Variants in STXBP6 observed in about 807,000 individuals in gnomAD.
STXBP6 encodes the protein syntaxin binding protein 6.
Under a neutral mutation model 26.9 loss-of-function variants are expected in STXBP6, and 21 were observed. That is an observed-to-expected ratio of 0.78 (90% CI 0.55 to 1.12). STXBP6 has a LOEUF of 1.12. Ranked by LOEUF, STXBP6 falls within the 50% of genes most tolerant of loss-of-function variation. The pLI is 0.00. For missense variants in STXBP6, 232 were observed against 257.9 expected, an observed-to-expected ratio of 0.90 and a Z score of 0.69; for synonymous variants, 97 against 92.6, an observed-to-expected ratio of 1.05 and a Z score of -0.27.
At chr14:24,828,180 A>G (rs2138867961) in intron 4 of STXBP6, among the ~76,000 whole-genome samples, 1 of 152,314 alleles carries the variant, frequency 6.6e-6, no homozygotes, top group South Asian at 2.1e-4. Flanking sequence ...AAATAGGCCT[A>G]AAATACCTTA....
At chr14:24,996,701 T>C (rs960680234) in intron 1 of STXBP6, among the ~76,000 whole-genome samples, 9 of 151,012 alleles carry the variant, frequency 6.0e-5, no homozygotes, top group Middle Eastern at 6.9e-3. Context: ...AAAAAAATTA[T>C]AAAATTAGCC....
chr14:24,910,944 T>C (rs1174502381), intron 2 of STXBP6, among the ~76,000 whole-genome samples: 1 of 152,162 alleles, frequency 6.6e-6, no homozygotes, highest in Non-Finnish European at 1.5e-5. Context: ...TTAGCTGTTA[T>C]CTGTAACATT....
intron 2 of STXBP6, among the ~76,000 whole-genome samples, chr14:24,916,336 C>T (rs569533090): frequency 6.6e-6 from 1 of 152,174 alleles, no homozygotes; most frequent in South Asian, 2.1e-4. Context: ...GGACGCTGTG[C>T]TCATCAAAGC....
At chr14:24,987,764 C>T in intron 1 of STXBP6, 1 of 873,804 alleles carries the variant, frequency 1.1e-6, no homozygotes, top group South Asian at 5.3e-5. Context: ...AAGTCTTTCC[C>T]ACTGTGAGGT....
At chr14:24,918,726 T>A (rs975250655) in intron 2 of STXBP6, among the ~76,000 whole-genome samples, 10 of 152,016 alleles carry the variant, frequency 6.6e-5, no homozygotes, top group Non-Finnish European at 1.2e-4. Context: ...CAGTGGCTGG[T>A]ACATTCTCAC....
At chr14:24,828,939 C>T (rs899402838) in intron 4 of STXBP6, among the ~76,000 whole-genome samples, 1 of 152,040 alleles carries the variant, frequency 6.6e-6, no homozygotes, top group Non-Finnish European at 1.5e-5. Context: ...AATCACTGGG[C>T]GTATGTGAAG....
At chr14:24,874,362 C>T (rs1406036857) in intron 2 of STXBP6, among the ~76,000 whole-genome samples, 1 of 152,112 alleles carries the variant, frequency 6.6e-6, no homozygotes, top group East Asian at 1.9e-4. Context: ...TACTAGCCTC[C>T]ATTTCTAGCC....
At chr14:24,829,224 G>T (rs2068381073) in intron 4 of STXBP6, among the ~76,000 whole-genome samples, 1 of 152,050 alleles carries the variant, frequency 6.6e-6, no homozygotes, top group Non-Finnish European at 1.5e-5. Context: ...TTCATTACAG[G>T]TTTAAATATA....
chr14:24,836,448 A>T lies in STXBP6; in HGVS notation c.452-17254T>A, dbSNP rs531522468. Among the ~76,000 whole-genome samples, 11 of 152,016 alleles carry T rather than the reference A, an allele frequency of 7.2e-5. No homozygotes were observed. In the South Asian group the frequency reaches 2.3e-3, roughly 32 times the overall value. On this transcript the variant is annotated intron_variant, in intron 4 of 5. Transcript: ENST00000323944. ...CCCCATCTCTACTAAATATACAAAA[A>T]TTAGCCGGGTGTGGTGGCGGGTGCC...
At chr14:25,039,604 C>T (rs1332988652) in intron 1 of STXBP6, among the ~76,000 whole-genome samples, 1 of 152,192 alleles carries the variant, frequency 6.6e-6, no homozygotes, top group Non-Finnish European at 1.5e-5. Context: ...CTTGGCTCCT[C>T]TACAGCATTG....
chr14:25,039,783 T>C (rs2140500185), intron 1 of STXBP6, among the ~76,000 whole-genome samples: 1 of 151,950 alleles, frequency 6.6e-6, no homozygotes, highest in East Asian at 1.9e-4. Flanking sequence ...GTCAGTTCAC[T>C]GCAACCTCTG....
chr14:24,857,114 T>C lies in STXBP6; in HGVS notation c.198A>G (p.Lys66=). 1 of 1,613,010 alleles carries C rather than the reference T, an allele frequency of 6.2e-7. No homozygotes were observed. The part of the protein sequence containing the change: ...KPTQASITKV[K]QFEGSTSFVR... ...CAAATGATGTGGAGCCTTCAAACTG[T>C]TTGACCTTTGTGATGGACGCCTGTG... The change falls in exon 3 of 6, where the codon AAA becomes AAG. Residue 66 remains lysine (K), a synonymous_variant. Coordinates refer to ENST00000323944, the MANE Select transcript of STXBP6 (RefSeq NM_001394410.1).
chr14:24,837,075 A>C (rs1401235380), intron 4 of STXBP6, among the ~76,000 whole-genome samples: 1 of 152,212 alleles, frequency 6.6e-6, no homozygotes, highest in African/African-American at 2.4e-5. Flanking sequence ...ATGGCATTGC[A>C]ATTTTTTCTA....
chr14:24,882,302 C>T (rs1279252801), intron 2 of STXBP6, among the ~76,000 whole-genome samples: 2 of 133,346 alleles, frequency 1.5e-5, no homozygotes, highest in East Asian at 2.3e-4. Context: ...TGGCGTGAAC[C>T]CGGGAGGCGG....
At chr14:24,963,671 G>A (rs1002474614) in intron 2 of STXBP6, among the ~76,000 whole-genome samples, 1 of 152,006 alleles carries the variant, frequency 6.6e-6, no homozygotes, top group Non-Finnish European at 1.5e-5. Context: ...ACATATTCAA[G>A]GTCTATTAAA....
chr14:24,905,964 C>T (rs1595083931), intron 2 of STXBP6, among the ~76,000 whole-genome samples: 1 of 151,982 alleles, frequency 6.6e-6, no homozygotes, highest in Non-Finnish European at 1.5e-5. Flanking sequence ...GTTATAGAAA[C>T]CTGAGGGTAC....
chr14:25,003,214 C>A (rs2074807869), intron 1 of STXBP6, among the ~76,000 whole-genome samples: 3 of 152,096 alleles, frequency 2.0e-5, no homozygotes, highest in African/African-American at 7.2e-5. Context: ...GTTGTTAAGC[C>A]TAAAAATAAA....
chr14:24,927,358 C>CT, intron 2 of STXBP6, among the ~76,000 whole-genome samples: 1 of 152,292 alleles, frequency 6.6e-6, no homozygotes, highest in East Asian at 1.9e-4. Context: ...CAGTGGCCGA[C>CT]TTTGTTTCCT....
intron 2 of STXBP6, among the ~76,000 whole-genome samples, chr14:24,858,241 A>AGG (rs1245067364): frequency 6.6e-6 from 1 of 152,100 alleles, no homozygotes; most frequent in Non-Finnish European, 1.5e-5. Context: ...GTTGGTGAGC[A>AGG]GGGAGACTCT....
Sources: allele counts gnomAD v4.1 joint callset (sites outside exome capture counted in the v4.1 genomes callset), GRCh38; gene constraint gnomAD v4.1.1; transcripts MANE v1.5; gene names NCBI Gene and HGNC (gene_info 2026-07-23, HGNC 2026-07-21).